The following HAUS7 variants were observed in gnomAD, a reference collection of about 807,000 sequenced individuals.
HAUS7 encodes the protein HAUS augmin-like complex subunit 7.
In HAUS7, 3 loss-of-function variants were observed where a neutral mutation model predicts 28.4. The ratio of observed to expected loss-of-function variants is 0.11; its 90% CI spans 0.05 to 0.27. HAUS7 has a LOEUF of 0.27. Ranked by LOEUF, HAUS7 falls within the 10% of genes least tolerant of loss-of-function variation. HAUS7 has a pLI of 1.00. For synonymous variants in HAUS7, 165 were observed against 132.1 expected, an observed-to-expected ratio of 1.25 and a Z score of -1.71; for missense variants, 284 against 297.3, an observed-to-expected ratio of 0.96 and a Z score of 0.33.
intron 1 of HAUS7, chrX:153,495,045 G>A (rs1247233798): frequency 4.6e-5 from 5 of 109,888 alleles, no homozygotes; most frequent in African/African-American, 1.7e-4. Context: ...CGGACAGATA[G>A]ACGTGCGGAC....
At chrX:153,484,531 G>A (rs1404998176) in intron 1 of HAUS7, among the ~76,000 whole-genome samples, 1 of 110,175 alleles carries the variant, frequency 9.1e-6, no homozygotes, top group African/African-American at 3.3e-5. Context: ...TGCCAGGCGG[G>A]AGGCTGAGGA....
chrX:153,482,350 G>A, intron 1 of HAUS7: 1 of 756,651 alleles, frequency 1.3e-6, no homozygotes, highest in Non-Finnish European at 1.6e-6. Context: ...TGAAGCGGCT[G>A]AACCTGGTTG....
intron 2 of HAUS7, among the ~76,000 whole-genome samples, chrX:153,466,576 A>G (rs1253632347): frequency 8.9e-6 from 1 of 112,137 alleles, no homozygotes; most frequent in African/African-American, 3.2e-5. Flanking sequence ...TGGGGCTGAC[A>G]GGGTGCGGTC....
chrX:153,476,567 G>A (rs1208274548), intron 1 of HAUS7, among the ~76,000 whole-genome samples: 5 of 111,922 alleles, frequency 4.5e-5, no homozygotes, highest in South Asian at 3.7e-4. Context: ...AACTAGAAGC[G>A]ACCTTGATCA....
At position 153,490,299 on chromosome X, in the gene HAUS7, G is replaced by C. The variant is rs1030592339; in HGVS notation, c.-589+5075C>G. Reference sequence around the variant, plus strand: ...CCCCCACGCAGGCCCTGAAATTACAGCCCTGGTGGCCCGGAGGGGAGAGAT... The same window carrying C: ...CCCCCACGCAGGCCCTGAAATTACACCCCTGGTGGCCCGGAGGGGAGAGAT... On this transcript the variant is annotated intron_variant, in intron 1 of 5. Transcript: ENST00000370210. Among the ~76,000 whole-genome samples, 16 of 113,191 alleles carry C rather than the reference G, an allele frequency of 1.4e-4. No homozygotes were observed. In the Middle Eastern group the frequency reaches 0.014, roughly 97 times the overall value.
chrX:153,466,698 G>A (rs1196900155), intron 2 of HAUS7, among the ~76,000 whole-genome samples: 2 of 112,388 alleles, frequency 1.8e-5, no homozygotes, highest in Non-Finnish European at 3.8e-5. Flanking sequence ...ATCAGACAAC[G>A]TCATCGTATG....
In HAUS7 at chrX:153,454,430, T is replaced by G. The variant is rs782355109; in HGVS notation, c.1009A>C (p.Ile337Leu). The change falls in exon 9 of 10, where the codon ATC becomes CTC. Residue 337 changes from isoleucine (I) to leucine (L), a missense_variant. By Grantham distance (5) the Ile-to-Leu change is conservative. Coordinates refer to ENST00000370211, the MANE Select transcript of HAUS7 (RefSeq NM_001385482.1). ...ACGGAGCTGCTGCCACCCCAGCAGA[T>G]CTGCTCGCCTTGCTGCTTCTTCACG... is the stretch of plus-strand genomic sequence containing the variant. ...ETVKKQQGEQ[I>L]CWGGSSSVMS... 184 of 1,194,456 alleles carry G rather than the reference T, an allele frequency of 1.5e-4. 1 individual carries two copies. In the South Asian group the frequency reaches 3.0e-3, roughly 19 times the overall value.
intron 9 of HAUS7, among the ~76,000 whole-genome samples, chrX:153,453,959 G>A: frequency 9.1e-6 from 1 of 110,003 alleles, no homozygotes; most frequent in Non-Finnish European, 1.9e-5. Context: ...AGCTGAGACT[G>A]CAGGTGCACG....
rs569339192 is a variant in HAUS7, at chrX:153,462,118, A to C, written c.354+492T>G. 1.4e-4 allele frequency: 147 copies of C among 1,056,023 alleles called. 2 individuals are homozygous for C. The South Asian group carries it at 3.0e-3, about 22-fold the overall frequency. The allele number at this position is 1,056,023 out of a possible 1,213,427, so 87.0% of individuals were successfully genotyped here. A position where few individuals can be genotyped will look rare whatever the true frequency, so the allele number is the denominator to read the frequency against. ...TGTTCAGTCAAAAATCATATGCAAG[A>C]ATGTTTATAGTAGCATTACTCATAA... is the stretch of plus-strand genomic sequence containing the variant. On this transcript the variant is annotated intron_variant, in intron 4 of 9. Coordinates refer to ENST00000370211, the MANE Select transcript of HAUS7 (RefSeq NM_001385482.1).
At chrX:153,492,451 C>T (rs1556989812) in intron 1 of HAUS7, among the ~76,000 whole-genome samples, 1 of 112,126 alleles carries the variant, frequency 8.9e-6, no homozygotes. Context: ...CGGTGGGCCC[C>T]GGGCCGGGCG....
chrX:153,471,099 G>T (rs1556985276), upstream of HAUS7: 2 of 294,023 alleles, frequency 6.8e-6, no homozygotes, highest in Non-Finnish European at 1.4e-5. Flanking sequence ...GGACTGAAGC[G>T]TTCCTCTCCC....
intron 4 of HAUS7, chrX:153,462,151 G>T: frequency 9.7e-7 from 1 of 1,030,102 alleles, no homozygotes; most frequent in Non-Finnish European, 1.3e-6. Flanking sequence ...TAATCATCGA[G>T]TGAAAACAAT....
At chrX:153,455,486 C>T in intron 8 of HAUS7, 56 bp downstream of exon 8, 1 of 799,726 alleles carries the variant, frequency 1.3e-6, no homozygotes, top group South Asian at 2.1e-5. Flanking sequence ...TATAAGCTCT[C>T]AGTCTGAGTG....
rs782267635 is a variant in HAUS7 at position 153,483,221 on chromosome X, G to C, written c.-588-12076C>G. The C allele has an allele frequency of 2.3e-4, 137 of 596,897 alleles. 2 individuals are homozygous for C. In the African/African-American group the frequency reaches 3.2e-3, roughly 14 times the overall value. The allele number at this position is 596,897 out of a possible 1,213,427, so 49.2% of individuals were successfully genotyped here. A position where few individuals can be genotyped will look rare whatever the true frequency, so the allele number is the denominator to read the frequency against. ...GAAGGAGGCAGTGCCGGCAGAGAAT[G>C]GGCACAGCCAGAGTTGGAGCCTGAC... On this transcript the variant is annotated intron_variant, in intron 1 of 5. Transcript: ENST00000370210.
chrX:153,478,050 C>A (rs781899818), intron 1 of HAUS7, among the ~76,000 whole-genome samples: 1 of 112,777 alleles, frequency 8.9e-6, no homozygotes, highest in Admixed American at 9.3e-5. Context: ...CTTCTCCCCT[C>A]CACCCAAGCC....
intron 1 of HAUS7, among the ~76,000 whole-genome samples, chrX:153,478,101 C>A (rs1466747074): frequency 8.9e-6 from 1 of 112,834 alleles, no homozygotes; most frequent in Non-Finnish European, 1.9e-5. Flanking sequence ...GCTTCCAAAC[C>A]TAAGTCAACG....
At chrX:153,462,385 G>A (rs782413657) in intron 4 of HAUS7, 1 of 155,295 alleles carries the variant, frequency 6.4e-6, no homozygotes, top group Non-Finnish European at 1.1e-5. Flanking sequence ...CCTCTCCCCT[G>A]CGCCCCAGGG....
chrX:153,473,872 GC>G (rs2089545292), upstream of HAUS7, among the ~76,000 whole-genome samples: 1 of 111,435 alleles, frequency 9.0e-6, no homozygotes, highest in Non-Finnish European at 1.9e-5. Flanking sequence ...AAGCTGCCAG[GC>G]TGAGCTGTTG....
In HAUS7 at chrX:153,457,173, A is replaced by C. The variant is rs1556982455; in HGVS notation, c.410T>G (p.Ile137Ser). 2 of 1,204,751 alleles carry C rather than the reference A, an allele frequency of 1.7e-6. No individual in the cohort carries two copies. The highest frequency in any genetic ancestry group is 1.8e-5 in the South Asian group (1 of 56,855). The change falls in exon 5 of 10, where the codon ATC (isoleucine) becomes AGC (serine). Residue 137 changes from isoleucine to serine, a missense_variant. Transcript: ENST00000370211. Reference protein sequence around the residue: ...LHFMDQLLDTIRSLTIGCSSC... With the variant: ...LHFMDQLLDTSRSLTIGCSSC... ...GGAGCACCCAATGGTCAGGCTCCGG[A>C]TGGTATCGAGCAACTGGTCCATGAA...
Sources: gnomAD v4.1 joint callset for allele counts (sites outside exome capture counted in the v4.1 genomes callset) on GRCh38, gnomAD v4.1.1 for gene constraint, MANE v1.5 for transcripts, NCBI Gene and HGNC (gene_info 2026-07-23, HGNC 2026-07-21) for gene names.